Variants in UNKL observed in about 807,000 individuals in gnomAD.
UNKL encodes putative E3 ubiquitin-protein ligase UNKL.
A neutral mutation model predicts 78.0 loss-of-function variants in UNKL; 60 were observed. The ratio of observed to expected loss-of-function variants is 0.77; its 90% CI spans 0.63 to 0.95. The LOEUF (loss-of-function observed/expected upper bound fraction) is 0.95, where lower values mean the gene tolerates loss of function less well. Ranked by LOEUF, UNKL falls within the 40% of genes least tolerant of loss-of-function variation. The pLI is 0.00. For synonymous variants in UNKL, 608 were observed against 474.8 expected, an observed-to-expected ratio of 1.28 and a Z score of -3.65; for missense variants, 1,159 against 1,045.7, an observed-to-expected ratio of 1.11 and a Z score of -1.49.
In UNKL at chr16:1,370,133, G is replaced by C. The variant is rs1417006018; in HGVS notation, c.1582C>G (p.Leu528Val). 7 of 1,525,980 alleles carry C rather than the reference G, an allele frequency of 4.6e-6. No homozygotes were observed. The highest frequency in any genetic ancestry group is 1.4e-5 in the African/African-American group (1 of 72,592). 94.5% of individuals were successfully genotyped at this position (1,525,980 alleles called of 1,614,324 possible). ...CATGGAGGGAGCCGGCACTCACCTA[G>C]GGGGCTGTAGGATGAGGCTGCAGAG... ...LGSAASSYSP[L>V]GLNGVPGSIW... The change falls in exon 12 of 15, where the codon CTA (leucine) becomes GTA (valine). Residue 528 changes from leucine to valine, a missense_variant. Leu to Val is a conservative substitution (Grantham distance 32, BLOSUM62 1). Transcript: ENST00000389221.
chr16:1,376,185 GCTCCTCC>G (rs1422078996), intron 10 of UNKL, among the ~76,000 whole-genome samples: 2 of 137,954 alleles, frequency 1.4e-5, no homozygotes, highest in Non-Finnish European at 3.1e-5. Context: ...GCTGGGGCAT[GCTCCTCC>G]CTCCTCCCTC....
Position 1,363,383 on chromosome 16 carries a change from A to C in UNKL, c.*2857T>G. On this transcript the variant is annotated 3_prime_UTR_variant, in exon 15 of 15. Transcript: ENST00000389221. ...GGGTTAAGAAAATTCCATTCAAATA[A>C]CATTCTCATGTAAATACTCAAACAT... 4.8e-6 allele frequency: 2 copies of C among 414,752 alleles called. No homozygotes were observed. The highest frequency in any genetic ancestry group is 9.1e-6 in the Non-Finnish European group (2 of 220,820). 25.7% of individuals were successfully genotyped at this position (414,752 alleles called of 1,614,324 possible).
intron 10 of UNKL, among the ~76,000 whole-genome samples, chr16:1,378,176 G>A (rs962715194): frequency 2.0e-5 from 3 of 152,138 alleles, no homozygotes; most frequent in Admixed American, 2.0e-4. Flanking sequence ...CCTTGCAGGT[G>A]TCAGCCTGAA....
At chr16:1,398,548 G>A in intron 5 of UNKL, 2 of 1,354,212 alleles carry the variant, frequency 1.5e-6, no homozygotes, top group Non-Finnish European at 1.9e-6. Flanking sequence ...GCTCTCCGGG[G>A]CATGCGAGGC....
Position 1,364,122 on chromosome 16 carries a change from G to C in UNKL, c.*2118C>G, listed in dbSNP as rs981243163. 1.3e-5 allele frequency: 2 copies of C among 152,194 alleles called. No individual in the cohort carries two copies. The highest frequency in any genetic ancestry group is 4.8e-5 in the African/African-American group (2 of 41,444). The allele number at this position is 152,194 out of a possible 1,614,324, so 9.4% of individuals were successfully genotyped here. A position where few individuals can be genotyped will look rare whatever the true frequency, so the allele number is the denominator to read the frequency against. On this transcript the variant is annotated 3_prime_UTR_variant, in exon 15 of 15. Transcript: ENST00000389221. ...CAGAGTTTACACATCGATGACAGTA[G>C]CACAAAATATACGTAATTTCTAGAT... is the stretch of plus-strand genomic sequence containing the variant.
chr16:1,384,385 G>GC (rs1292168979), intron 10 of UNKL, among the ~76,000 whole-genome samples: 1 of 151,958 alleles, frequency 6.6e-6, no homozygotes, highest in Non-Finnish European at 1.5e-5. Context: ...GGAAGAATCT[G>GC]CCCCCCAGGG....
chr16:1,378,624 C>G (rs886223062), intron 10 of UNKL, among the ~76,000 whole-genome samples: 2 of 152,198 alleles, frequency 1.3e-5, no homozygotes, highest in African/African-American at 4.8e-5. Flanking sequence ...ACGGCTCGCA[C>G]TCAACTCAGA....
At chr16:1,394,789 G>A (rs1229259343) in intron 6 of UNKL, among the ~76,000 whole-genome samples, 1 of 152,154 alleles carries the variant, frequency 6.6e-6, no homozygotes, top group African/African-American at 2.4e-5. Flanking sequence ...GGTCCCAGCA[G>A]GAAGCCTCTC....
chr16:1,366,180 G>C lies in UNKL; in HGVS notation c.*60C>G. ...ACCAGAAGCGAGTGACGACATGTCC[G>C]TGGTCAGGAGGAGCGCTGGAGCCAG... On this transcript the variant is annotated 3_prime_UTR_variant, in exon 15 of 15. Coordinates refer to ENST00000389221, the MANE Select transcript of UNKL (RefSeq NM_001372107.1). The C allele has an allele frequency of 7.0e-7, 1 of 1,426,298 alleles. No individual in the cohort carries two copies. The allele number at this position is 1,426,298 out of a possible 1,614,324, so 88.4% of individuals were successfully genotyped here.
At chr16:1,400,093 G>A (rs1039550508) in intron 4 of UNKL, among the ~76,000 whole-genome samples, 1 of 152,022 alleles carries the variant, frequency 6.6e-6, no homozygotes, top group Non-Finnish European at 1.5e-5. Context: ...CTGTGAACCG[G>A]AAACCGCTCT....
At chr16:1,411,515 G>A (rs774867336) in intron 2 of UNKL, among the ~76,000 whole-genome samples, 6 of 152,074 alleles carry the variant, frequency 3.9e-5, no homozygotes, top group African/African-American at 7.2e-5. Flanking sequence ...CCAGGGCACA[G>A]AGCAAGACCC....
At position 1,414,581 on chromosome 16, in the gene UNKL, C is replaced by T. The variant is rs774403430; in HGVS notation, c.77+34G>A. ...GGGAGGCTCCGAGCTGCACCGGGCG[C>T]GGGCGGGGGGCCGCAGGCCGGACGG... is the stretch of plus-strand genomic sequence containing the variant. On this transcript the variant is annotated intron_variant, in intron 1 of 14. Coordinates refer to ENST00000389221, the MANE Select transcript of UNKL (RefSeq NM_001372107.1). 1.3e-4 allele frequency: 124 copies of T among 981,316 alleles called. No individual in the cohort carries two copies. In the African/African-American group the frequency reaches 1.9e-3, roughly 15 times the overall value. The allele number at this position is 981,316 out of a possible 1,614,324, so 60.8% of individuals were successfully genotyped here. A position where few individuals can be genotyped will look rare whatever the true frequency, so the allele number is the denominator to read the frequency against.
chr16:1,402,925 G>A (rs1320478831), intron 3 of UNKL, among the ~76,000 whole-genome samples: 1 of 152,084 alleles, frequency 6.6e-6, no homozygotes, highest in Admixed American at 6.6e-5. Flanking sequence ...CCAGGAGGCA[G>A]GGCTTGCAGT....
At position 1,367,765 on chromosome 16, in the gene UNKL, G is replaced by GAGGATGGGGGGCCGGCACTC; in HGVS notation, c.1659_1678dup (p.Ser560Ter). The GAGGATGGGGGGCCGGCACTC allele has an allele frequency of 6.4e-7, 1 of 1,573,926 alleles. No individual in the cohort carries two copies. Among genetic ancestry groups the GAGGATGGGGGGCCGGCACTC allele is most frequent in the Non-Finnish European group, 8.6e-7 (1 of 1,160,308 alleles). On this transcript the variant is annotated stop_gained and frameshift_variant, in exon 13 of 15. Transcript: ENST00000389221. LOFTEE classifies it high-confidence loss of function. ...AGCTCCGTTTGGACTTGCACTCGAAGAGGATGGGGGGCCGGCACTCAGGAT... is the reference window on the plus strand; with the variant it reads ...AGCTCCGTTTGGACTTGCACTCGAAGAGGATGGGGGGCCGGCACTCAGGATGGGGGGCCGGCACTCAGGAT...
intron 2 of UNKL, 70 bp downstream of exon 2, chr16:1,413,776 C>T: frequency 1.4e-6 from 2 of 1,451,894 alleles, no homozygotes; most frequent in Non-Finnish European, 1.8e-6. Context: ...CGCTGAGGGT[C>T]CCGGCCGCAT....
chr16:1,413,378 A>T (rs532074277), intron 2 of UNKL, among the ~76,000 whole-genome samples: 1 of 152,038 alleles, frequency 6.6e-6, no homozygotes, highest in African/African-American at 2.4e-5. Context: ...AGACAAGCCT[A>T]ACCAACATGG....
chr16:1,390,929 C>T (rs934547439), intron 8 of UNKL, among the ~76,000 whole-genome samples: 1 of 152,088 alleles, frequency 6.6e-6, no homozygotes, highest in Non-Finnish European at 1.5e-5. Flanking sequence ...CCTCGAGAGG[C>T]TGAGGCAAGA....
intron 3 of UNKL, among the ~76,000 whole-genome samples, 183 bp downstream of exon 3, chr16:1,402,985 C>A (rs968751802): frequency 6.6e-6 from 1 of 152,136 alleles, no homozygotes; most frequent in Non-Finnish European, 1.5e-5. Flanking sequence ...GAACGAGAAT[C>A]CGTCTCAAAA....
intron 10 of UNKL, 145 bp from the exon 11 acceptor site, chr16:1,371,756 G>A: frequency 1.2e-6 from 1 of 825,978 alleles, no homozygotes; most frequent in South Asian, 1.8e-5. Flanking sequence ...GCCAGGGAAG[G>A]ACACCCCCAG....
Sources: allele counts gnomAD v4.1 joint callset (sites outside exome capture counted in the v4.1 genomes callset), GRCh38; gene constraint gnomAD v4.1.1; transcripts MANE v1.5; gene names NCBI Gene and HGNC (gene_info 2026-07-23, HGNC 2026-07-21).